The following GRID2 variants were observed in gnomAD, a reference collection of about 807,000 sequenced individuals.
The protein encoded by GRID2 is glutamate ionotropic receptor delta type subunit 2, also known as glutamate receptor ionotropic, delta-2.
Under a neutral mutation model 114.8 loss-of-function variants are expected in GRID2, and 33 were observed. The observed-to-expected ratio is 0.29, with a 90% CI of 0.22 to 0.38. The LOEUF (loss-of-function observed/expected upper bound fraction) is 0.38, where lower values mean the gene tolerates loss of function less well. Ranked by LOEUF, GRID2 falls within the 10% of genes least tolerant of loss-of-function variation. GRID2 has a pLI of 1.00. For synonymous variants in GRID2, 505 were observed against 449.9 expected, an observed-to-expected ratio of 1.12 and a Z score of -1.55; for missense variants, 1,184 against 1,257.7, an observed-to-expected ratio of 0.94 and a Z score of 0.89.
chr4:93,742,044 G>A (rs140823293), intron 14 of GRID2, among the ~76,000 whole-genome samples: 25 of 152,190 alleles, frequency 1.6e-4, no homozygotes, highest in African/African-American at 5.3e-4. Context: ...ATAGAGCAAG[G>A]GAAATGTGAG....
Position 93,613,593 on chromosome 4 carries a change from T to C in GRID2, c.2194-12676T>C, listed in dbSNP as rs974807255. Reference sequence around the variant, plus strand: ...GCCGTGTGAGGTGTCAGTGTGCCCCTGCTGGGGGGTGCCTCCCAGTTAGGC... The same window carrying C: ...GCCGTGTGAGGTGTCAGTGTGCCCCCGCTGGGGGGTGCCTCCCAGTTAGGC... On this transcript the variant is annotated intron_variant, in intron 13 of 15. Coordinates refer to ENST00000282020, the MANE Select transcript of GRID2 (RefSeq NM_001510.4). 2.8e-5 allele frequency among the ~76,000 whole-genome samples: 3 copies of C among 105,390 alleles called. 1 individual carries two copies. The highest frequency in any genetic ancestry group is 6.4e-5 in the Non-Finnish European group (3 of 47,118). 69.1% of individuals were successfully genotyped at this position (105,390 alleles called of 152,430 possible). A position where few individuals can be genotyped will look rare whatever the true frequency, so the allele number is the denominator to read the frequency against.
chr4:92,634,867 GAGAGAGAGAGAA>G (rs1014570657), intron 2 of GRID2, among the ~76,000 whole-genome samples: 1 of 131,526 alleles, frequency 7.6e-6, no homozygotes, highest in African/African-American at 2.9e-5. Context: ...GACAGAGAGA[GAGAGAGAGAGAA>G]AGAGAGAGAG....
At chr4:93,246,128 A>G (rs915179071) in intron 8 of GRID2, among the ~76,000 whole-genome samples, 5 of 152,224 alleles carry the variant, frequency 3.3e-5, no homozygotes, top group Non-Finnish European at 1.5e-5. Context: ...CTACAGTTGT[A>G]TGGAAATCTA....
intron 9 of GRID2, among the ~76,000 whole-genome samples, chr4:93,421,657 G>A (rs1440699594): frequency 1.3e-5 from 2 of 152,060 alleles, no homozygotes; most frequent in African/African-American, 2.4e-5. Flanking sequence ...GGCAAATGAA[G>A]CTCTTTGACC....
chr4:92,418,195 A>T (rs1731715105), intron 1 of GRID2, among the ~76,000 whole-genome samples: 1 of 152,072 alleles, frequency 6.6e-6, no homozygotes, highest in Non-Finnish European at 1.5e-5. Context: ...TTGAAATCTG[A>T]AGAATGAGTA....
intron 2 of GRID2, among the ~76,000 whole-genome samples, chr4:92,962,763 G>A (rs1328175190): frequency 1.3e-5 from 2 of 151,922 alleles, no homozygotes; most frequent in African/African-American, 4.8e-5. Context: ...TCCCCCTAGA[G>A]TTTTTGACTC....
chr4:92,985,800 CA>C (rs1754482797), intron 2 of GRID2, among the ~76,000 whole-genome samples: 1 of 152,102 alleles, frequency 6.6e-6, no homozygotes, highest in Non-Finnish European at 1.5e-5. Context: ...CACTCAGCCA[CA>C]AGTTATCTTC....
intron 2 of GRID2, among the ~76,000 whole-genome samples, chr4:92,789,719 A>ATGGATAAG (rs1331146529): frequency 6.6e-6 from 1 of 151,946 alleles, no homozygotes; most frequent in Non-Finnish European, 1.5e-5. Flanking sequence ...ATTTTCTGCT[A>ATGGATAAG]TGGATAAGTA....
chr4:93,592,658 G>A (rs1281070492), intron 13 of GRID2, among the ~76,000 whole-genome samples: 1 of 152,104 alleles, frequency 6.6e-6, no homozygotes, highest in African/African-American at 2.4e-5. Context: ...ACAGTGGGGT[G>A]TTAAAGTCTC....
chr4:93,681,344 C>A lies in GRID2; in HGVS notation c.2360+54909C>A, dbSNP rs549610916. Reference sequence around the variant, plus strand: ...GGAAGAATCAATATCGTGAAAATGACCATACTACCCAAAGTAATTTAGAGA... The same window carrying A: ...GGAAGAATCAATATCGTGAAAATGAACATACTACCCAAAGTAATTTAGAGA... On this transcript the variant is annotated intron_variant, in intron 14 of 15. Coordinates refer to ENST00000282020, the MANE Select transcript of GRID2 (RefSeq NM_001510.4). 6.6e-5 allele frequency among the ~76,000 whole-genome samples: 10 copies of A among 151,604 alleles called. No individual in the cohort carries two copies. The South Asian group carries it at 1.3e-3, about 19-fold the overall frequency.
chr4:93,459,620 C>T (rs377324048), intron 11 of GRID2, among the ~76,000 whole-genome samples: 1 of 152,104 alleles, frequency 6.6e-6, no homozygotes, highest in Non-Finnish European at 1.5e-5. Flanking sequence ...TTACTTCTTC[C>T]AATTTATTCA....
At chr4:93,780,747 T>C (rs1196951131) in intron 1 of GRID2, among the ~76,000 whole-genome samples, 1 of 152,162 alleles carries the variant, frequency 6.6e-6, no homozygotes, top group Non-Finnish European at 1.5e-5. Context: ...CCATGGAAAG[T>C]GTGAAAACCT....
chr4:92,526,087 A>C (rs1725028762), intron 1 of GRID2, among the ~76,000 whole-genome samples: 1 of 152,008 alleles, frequency 6.6e-6, no homozygotes, highest in Admixed American at 6.6e-5. Context: ...CTCAGGAACA[A>C]GTCTCAAATA....
At chr4:93,655,552 G>A (rs186923027) in intron 14 of GRID2, among the ~76,000 whole-genome samples, 27 of 152,200 alleles carry the variant, frequency 1.8e-4, no homozygotes, top group Non-Finnish European at 3.2e-4. Flanking sequence ...AAAGCCGAAA[G>A]ATAGGTCATC....
chr4:93,569,619 C>G (rs1735746702), intron 13 of GRID2, among the ~76,000 whole-genome samples: 2 of 152,166 alleles, frequency 1.3e-5, no homozygotes, highest in Admixed American at 6.6e-5. Context: ...AGAATAAACT[C>G]CAGACATCTT....
chr4:93,611,093 T>C (rs1269812378), intron 13 of GRID2, among the ~76,000 whole-genome samples: 1 of 119,230 alleles, frequency 8.4e-6, no homozygotes, highest in Non-Finnish European at 1.7e-5. Context: ...TTTTCTAGTT[T>C]ATTTGCGTAG....
At chr4:92,709,357 T>C (rs1387067730) in intron 2 of GRID2, among the ~76,000 whole-genome samples, 3 of 152,008 alleles carry the variant, frequency 2.0e-5, no homozygotes, top group Non-Finnish European at 2.9e-5. Flanking sequence ...CTGTGCTTTA[T>C]ACTGGTGATA....
At chr4:92,914,785 A>G (rs1263392272) in intron 2 of GRID2, among the ~76,000 whole-genome samples, 1 of 152,092 alleles carries the variant, frequency 6.6e-6, no homozygotes, top group Non-Finnish European at 1.5e-5. Context: ...ATTCTATGGT[A>G]TATCTGAACT....
chr4:93,460,702 T>C (rs1433635087), intron 11 of GRID2, among the ~76,000 whole-genome samples: 1 of 152,188 alleles, frequency 6.6e-6, no homozygotes, highest in East Asian at 1.9e-4. Context: ...TAAATTCATA[T>C]TGATAAATTT....
Sources: allele counts gnomAD v4.1 joint callset (sites outside exome capture counted in the v4.1 genomes callset), GRCh38; gene constraint gnomAD v4.1.1; transcripts MANE v1.5; gene names NCBI Gene and HGNC (gene_info 2026-07-23, HGNC 2026-07-21).